ENTREP2: variants seen among roughly 807,000 people sequenced by gnomAD.
ENTREP2 encodes endosomal transmembrane epsin interactor 2, also known as protein ENTREP2.
the ENTREP2 span, among the ~76,000 whole-genome samples, chr15:29,522,584 T>C: frequency 2.6e-5 from 4 of 152,212 alleles, no homozygotes; most frequent in Non-Finnish European, 4.4e-5. Flanking sequence ...GTGAGCTTTG[T>C]GGCACATTAG....
At chr15:29,209,812 C>T in the ENTREP2 span, among the ~76,000 whole-genome samples, 2 of 152,092 alleles carry the variant, frequency 1.3e-5, no homozygotes, top group Non-Finnish European at 2.9e-5. Flanking sequence ...CCCTGGTACC[C>T]CTGCAGGGTC....
the ENTREP2 span, among the ~76,000 whole-genome samples, chr15:29,313,889 T>C: frequency 6.6e-6 from 1 of 152,208 alleles, no homozygotes; most frequent in African/African-American, 2.4e-5. Context: ...ACATTTGTGA[T>C]TCATGGGAGG....
the ENTREP2 span, among the ~76,000 whole-genome samples, chr15:29,346,294 T>G: frequency 3.9e-5 from 6 of 151,996 alleles, no homozygotes; most frequent in Admixed American, 6.6e-5. Flanking sequence ...AGAGAGAGGG[T>G]TTGAGAACTG....
At chr15:29,576,548 G>A in the ENTREP2 span, among the ~76,000 whole-genome samples, 1 of 152,196 alleles carries the variant, frequency 6.6e-6, no homozygotes, top group Non-Finnish European at 1.5e-5. Flanking sequence ...CTATAACATG[G>A]AAAGAAATAT....
At chr15:29,234,224 G>A in the ENTREP2 span, 3 of 1,610,728 alleles carry the variant, frequency 1.9e-6, no homozygotes, top group Admixed American at 1.7e-5. Flanking sequence ...CTTAACTGGT[G>A]GTTGTCGTAA....
the ENTREP2 span, among the ~76,000 whole-genome samples, chr15:29,244,717 G>C: frequency 6.6e-6 from 1 of 152,218 alleles, no homozygotes; most frequent in Non-Finnish European, 1.5e-5. Flanking sequence ...CCCCCACGCA[G>C]GCAGTGAACA....
At chr15:29,619,009 G>C in the ENTREP2 span, among the ~76,000 whole-genome samples, 1 of 152,246 alleles carries the variant, frequency 6.6e-6, no homozygotes, top group Non-Finnish European at 1.5e-5. Flanking sequence ...CACACTCCCA[G>C]TGCAGAGCCA....
At chr15:29,204,998 C>G in the ENTREP2 span, among the ~76,000 whole-genome samples, 4 of 152,142 alleles carry the variant, frequency 2.6e-5, no homozygotes, top group African/African-American at 9.7e-5. Context: ...CCCACAGGCC[C>G]CCAACAACTC....
the ENTREP2 span, among the ~76,000 whole-genome samples, chr15:29,155,217 G>A: frequency 2.6e-5 from 4 of 151,580 alleles, no homozygotes; most frequent in South Asian, 8.4e-4. Context: ...AGGAGGTGGA[G>A]CTTGCAGTGA....
At chr15:29,271,207 A>G in the ENTREP2 span, among the ~76,000 whole-genome samples, 1 of 152,216 alleles carries the variant, frequency 6.6e-6, no homozygotes, top group Non-Finnish European at 1.5e-5. Context: ...TTTAATGACA[A>G]AGGCCTACTA....
chr15:29,426,567 G>A, the ENTREP2 span, among the ~76,000 whole-genome samples: 45 of 152,164 alleles, frequency 3.0e-4, 1 homozygote, highest in African/African-American at 1.0e-3. Context: ...CCTCTCAGTT[G>A]AAAAATAGAT....
chr15:29,440,821 C>T, the ENTREP2 span, among the ~76,000 whole-genome samples: 255 of 152,288 alleles, frequency 1.7e-3, 10 homozygotes, highest in East Asian at 0.042. Flanking sequence ...GGGTTATCCC[C>T]TCCCCTGCCT....
chr15:29,124,699 C>T, the ENTREP2 span: 3 of 1,550,698 alleles, frequency 1.9e-6, no homozygotes, highest in East Asian at 2.4e-5. Flanking sequence ...CTCCCAGGCA[C>T]AGCCTCAGAC....
chr15:29,122,064 G>A, the ENTREP2 span: 1 of 152,286 alleles, frequency 6.6e-6, no homozygotes, highest in African/African-American at 2.4e-5. Flanking sequence ...GGGCTCTCTG[G>A]GGAGACCTTG....
chr15:29,643,984 C>T, the ENTREP2 span, among the ~76,000 whole-genome samples: 10 of 152,046 alleles, frequency 6.6e-5, no homozygotes, highest in South Asian at 6.2e-4. Context: ...AAAGCTTGTA[C>T]GTGAATGTTC....
chr15:29,477,117 CACAA>C, the ENTREP2 span, among the ~76,000 whole-genome samples: 1 of 152,196 alleles, frequency 6.6e-6, no homozygotes, highest in African/African-American at 2.4e-5. Context: ...GATGGCTCTT[CACAA>C]ACACACTGTT....
the ENTREP2 span, among the ~76,000 whole-genome samples, chr15:29,608,680 A>C: frequency 6.6e-6 from 1 of 151,368 alleles, no homozygotes; most frequent in Admixed American, 6.6e-5. Context: ...CATTCTCCTG[A>C]CTCAGCCTCC....
the ENTREP2 span, among the ~76,000 whole-genome samples, chr15:29,457,236 C>T: frequency 6.6e-6 from 1 of 152,222 alleles, no homozygotes; most frequent in Admixed American, 6.5e-5. Context: ...CACATCCAGT[C>T]GGAATGTCCC....
chr15:29,200,721 G>A, the ENTREP2 span, among the ~76,000 whole-genome samples: 1 of 151,740 alleles, frequency 6.6e-6, no homozygotes, highest in African/African-American at 2.4e-5. Flanking sequence ...ACCAGGCCCA[G>A]CTAATTTTTT....
Sources: gnomAD v4.1 joint callset for allele counts (sites outside exome capture counted in the v4.1 genomes callset) on GRCh38, gnomAD v4.1.1 for gene constraint, MANE v1.5 for transcripts, NCBI Gene and HGNC (gene_info 2026-07-23, HGNC 2026-07-21) for gene names.